The following LMOD3 variants were observed in gnomAD, a reference collection of about 807,000 sequenced individuals.
LMOD3 encodes the protein leiomodin-3.
LMOD3 carries 31 observed loss-of-function variants against 41.8 expected under a neutral mutation model. That is an observed-to-expected ratio of 0.74 (90% CI 0.56 to 1.00). The LOEUF (loss-of-function observed/expected upper bound fraction) is 1.00, where lower values mean the gene tolerates loss of function less well. Ranked by LOEUF, LMOD3 falls within the 50% of genes least tolerant of loss-of-function variation. LMOD3 has a pLI of 0.00. For synonymous variants in LMOD3, 292 were observed against 241.9 expected (o/e 1.21, Z -1.92); for missense variants, 755 against 679.5 (o/e 1.11, Z -1.23).
At position 69,122,555 on chromosome 3, in the gene LMOD3, G is replaced by T; in HGVS notation, c.-169C>A. On this transcript the variant is annotated 5_prime_UTR_variant, in exon 1 of 3. The change creates a new upstream start codon in the 5' untranslated region. Transcript: ENST00000420581. ...AGGAACCTCAGTGGTTTGCTGAGCA[G>T]CTAGGAGTGATCACAGCTAAGCTCT... is the stretch of plus-strand genomic sequence containing the variant. 1 of 588,796 alleles carries T rather than the reference G, an allele frequency of 1.7e-6. No homozygotes were observed. Among genetic ancestry groups the T allele is most frequent in the South Asian group, 2.2e-5 (1 of 45,440 alleles). The allele number at this position is 588,796 out of a possible 1,614,324, so 36.5% of individuals were successfully genotyped here.
At position 69,109,072 on chromosome 3, in the gene LMOD3, C is replaced by T. The variant is rs1440868809; in HGVS notation, c.*23G>A. The stretch of plus-strand genomic sequence containing the variant: ...AGAGTCACTATTTCCATTTCTTGTT[C>T]TTCTAGATGGCTCTGTTGCCTCTTA... On this transcript the variant is annotated 3_prime_UTR_variant, in exon 3 of 3. Transcript: ENST00000420581. 7.6e-6 allele frequency: 12 copies of T among 1,586,552 alleles called. No homozygotes were observed. The South Asian group carries it at 1.1e-4, about 15-fold the overall frequency.
chr3:69,116,584 T>C (rs1297426347), intron 2 of LMOD3, among the ~76,000 whole-genome samples: 9 of 152,194 alleles, frequency 5.9e-5, no homozygotes, highest in Admixed American at 5.9e-4. Flanking sequence ...TTCTTGCAAT[T>C]ATCATCATGA....
Position 69,118,714 on chromosome 3 carries a change from G to C in LMOD3, c.1641C>G (p.Val547=), listed in dbSNP as rs369854516. The C allele has an allele frequency of 1.2e-5, 19 of 1,612,202 alleles. No homozygotes were observed. The African/African-American group carries it at 1.6e-4, about 14-fold the overall frequency. The part of the protein sequence containing the change: ...QLLNDIRHSS[V]AYLKPVQLPK... ...TTCTACTTACAGGTTTAAGATAGGC[G>C]ACACTGCTGTGACGAATGTCGTTTA... Residue 547 remains valine, a synonymous_variant, in exon 2 of 3, where the codon GTC becomes GTG. Coordinates refer to ENST00000420581, the MANE Select transcript of LMOD3 (RefSeq NM_198271.5).
intron 2 of LMOD3, 54 bp downstream of exon 2, chr3:69,118,645 G>T (rs2107525562): frequency 7.2e-6 from 11 of 1,533,888 alleles, no homozygotes; most frequent in Non-Finnish European, 9.7e-6. Flanking sequence ...ATAAAGTTGG[G>T]ATGCATTTAC....
Position 69,109,047 on chromosome 3 carries a change from A to G in LMOD3, c.*48T>C. On this transcript the variant is annotated 3_prime_UTR_variant, in exon 3 of 3. Transcript: ENST00000420581. ...GACATAGTCTCCATGCTGTAATCCA[A>G]GAGTCACTATTTCCATTTCTTGTTC... is the stretch of plus-strand genomic sequence containing the variant. 1 of 1,530,794 alleles carries G rather than the reference A, an allele frequency of 6.5e-7. No individual in the cohort carries two copies. Among genetic ancestry groups the G allele is most frequent in the Non-Finnish European group, 8.9e-7 (1 of 1,121,072 alleles). The allele number at this position is 1,530,794 out of a possible 1,614,324, so 94.8% of individuals were successfully genotyped here. A position where few individuals can be genotyped will look rare whatever the true frequency, so the allele number is the denominator to read the frequency against.
intron 2 of LMOD3, 49 bp downstream of exon 2, chr3:69,118,650 A>G (rs367844773): frequency 1.7e-5 from 26 of 1,548,942 alleles, no homozygotes; most frequent in Non-Finnish European, 2.3e-5. Context: ...GTTGGGATGC[A>G]TTTACTATGG....
In LMOD3 at chr3:69,119,687, A is replaced by T; in HGVS notation, c.668T>A (p.Leu223Gln). The change falls in exon 2 of 3, where the codon CTA becomes CAA. Residue 223 changes from leucine (L) to glutamine (Q), a missense_variant. Leu to Gln is a moderately radical substitution (Grantham distance 113). Coordinates refer to ENST00000420581, the MANE Select transcript of LMOD3 (RefSeq NM_198271.5). The part of the protein sequence containing the change: ...ISKLDPKKLA[L>Q]DTSFLKVSTR... ...ACTTACCTTCAAAAAGCTGGTGTCT[A>T]GAGCTAACTTCTTAGGATCTAATTT... 1 of 1,613,950 alleles carries T rather than the reference A, an allele frequency of 6.2e-7. No homozygotes were observed. Among genetic ancestry groups the T allele is most frequent in the Non-Finnish European group, 8.5e-7 (1 of 1,179,874 alleles).
chr3:69,110,832 C>A (rs1261940382), intron 2 of LMOD3, among the ~76,000 whole-genome samples: 1 of 92,990 alleles, frequency 1.1e-5, no homozygotes, highest in African/African-American at 5.7e-5. Context: ...AACAGAGACA[C>A]CATCTCAAAA....
In LMOD3 at chr3:69,120,009, C is replaced by T. The variant is rs751391243; in HGVS notation, c.346G>A (p.Ala116Thr). Residue 116 changes from alanine to threonine, a missense_variant, in exon 2 of 3, where the codon GCC becomes ACC. Coordinates refer to ENST00000420581, the MANE Select transcript of LMOD3 (RefSeq NM_198271.5). ...TTGAGCTTTTCTTTTAAATACTGGG[C>T]CATATTTTTATTACGTTTTTCTATT... ...EEIEKRNKNM[A>T]QYLKEKLNNE... is the part of the protein sequence containing the mutation. 2 of 1,603,422 alleles carry T rather than the reference C, an allele frequency of 1.2e-6. No homozygotes were observed. Among genetic ancestry groups the T allele is most frequent in the Non-Finnish European group, 1.7e-6 (2 of 1,176,224 alleles).
chr3:69,110,545 A>G (rs1277878122), intron 2 of LMOD3, among the ~76,000 whole-genome samples: 1 of 150,576 alleles, frequency 6.6e-6, no homozygotes, highest in African/African-American at 2.4e-5. Flanking sequence ...ATTTTCTTAA[A>G]AGAGTTTTAT....
At chr3:69,121,587 T>C (rs772117832) in intron 1 of LMOD3, among the ~76,000 whole-genome samples, 5 of 152,216 alleles carry the variant, frequency 3.3e-5, no homozygotes, top group African/African-American at 9.6e-5. Flanking sequence ...ATAGTAATAA[T>C]ATAAGACATT....
In LMOD3 at chr3:69,110,375, G is replaced by A. The variant is rs534389904; in HGVS notation, c.1657-1254C>T. 5.3e-5 allele frequency among the ~76,000 whole-genome samples: 8 copies of A among 151,732 alleles called. No individual in the cohort carries two copies. The South Asian group carries it at 6.3e-4, about 12-fold the overall frequency. ...CTCCCAAGTAGCTGGGACTACAGGTGCATGCCACCACGCCCAGCTAATTTT... is the reference window on the plus strand; with the variant it reads ...CTCCCAAGTAGCTGGGACTACAGGTACATGCCACCACGCCCAGCTAATTTT... On this transcript the variant is annotated intron_variant, in intron 2 of 2. Coordinates refer to ENST00000420581, the MANE Select transcript of LMOD3 (RefSeq NM_198271.5).
At position 69,106,274 on chromosome 3, in the gene LMOD3, C is replaced by A. The variant is rs2092322126; in HGVS notation, c.*2821G>T. Among the ~76,000 whole-genome samples, 1 of 151,962 alleles carries A rather than the reference C, an allele frequency of 6.6e-6. No homozygotes were observed. The highest frequency in any genetic ancestry group is 2.4e-5 in the African/African-American group (1 of 41,362). On this transcript the variant is annotated 3_prime_UTR_variant, in exon 3 of 3. Transcript: ENST00000420581. ...CACGAGTTTTATATACATGTTAGCC[C>A]AGTTTTATATACATGTTAGCCCATT... is the stretch of plus-strand genomic sequence containing the variant.
At chr3:69,111,255 G>A (rs1299016877) in intron 2 of LMOD3, among the ~76,000 whole-genome samples, 2 of 152,184 alleles carry the variant, frequency 1.3e-5, no homozygotes, top group Non-Finnish European at 2.9e-5. Flanking sequence ...CTGCCCACCA[G>A]AGAGGACCTT....
Position 69,120,062 on chromosome 3 carries a change from T to G in LMOD3, c.295-2A>C. On this transcript the variant is annotated splice_acceptor_variant, in intron 1 of 2. Coordinates refer to ENST00000420581, the MANE Select transcript of LMOD3 (RefSeq NM_198271.5). LOFTEE classifies it high-confidence loss of function. ...TTCATGCTCTTCTTGAGTCTTTTCC[T>G]ACAAGAGAGGTTTATGAGGGTTAGA... 6.3e-7 allele frequency: 1 copy of G among 1,591,474 alleles called. No individual in the cohort carries two copies. The highest frequency in any genetic ancestry group is 8.5e-7 in the Non-Finnish European group (1 of 1,173,848).
chr3:69,118,509 G>T (rs529534078), intron 2 of LMOD3, among the ~76,000 whole-genome samples, 190 bp downstream of exon 2: 3 of 152,116 alleles, frequency 2.0e-5, no homozygotes, highest in Non-Finnish European at 1.5e-5. Context: ...GGCGTACCTA[G>T]AGATGGGGTG....
In LMOD3 at chr3:69,115,841, T is replaced by C. The variant is rs1001695460; in HGVS notation, c.1656+2858A>G. Among the ~76,000 whole-genome samples, 9 of 152,302 alleles carry C rather than the reference T, an allele frequency of 5.9e-5. No homozygotes were observed. The East Asian group carries it at 1.7e-3, about 29-fold the overall frequency. The stretch of plus-strand genomic sequence containing the variant: ...CATTTCAACAGCTCTGAAATCAGAA[T>C]CCATCTTAAAATCGATGGTGTTTTA... On this transcript the variant is annotated intron_variant, in intron 2 of 2. Transcript: ENST00000420581.
At chr3:69,117,830 G>A (rs1032442021) in intron 2 of LMOD3, among the ~76,000 whole-genome samples, 1 of 144,160 alleles carries the variant, frequency 6.9e-6, no homozygotes. Context: ...CCCAATTTGG[G>A]TGGTTTTTTT....
chr3:69,118,688 C>T lies in LMOD3; in HGVS notation c.1656+11G>A. 6.2e-7 allele frequency: 1 copy of T among 1,603,556 alleles called. No homozygotes were observed. The highest frequency in any genetic ancestry group is 1.7e-5 in the Admixed American group (1 of 58,646). Reference sequence around the variant, plus strand: ...GGTGCTCAGTCACCATTTCTCCCTCCTTCTACTTACAGGTTTAAGATAGGC... The same window carrying T: ...GGTGCTCAGTCACCATTTCTCCCTCTTTCTACTTACAGGTTTAAGATAGGC... On this transcript the variant is annotated intron_variant, in intron 2 of 2. Transcript: ENST00000420581.
Sources: gnomAD v4.1 joint callset for allele counts (sites outside exome capture counted in the v4.1 genomes callset) on GRCh38, gnomAD v4.1.1 for gene constraint, MANE v1.5 for transcripts, NCBI Gene and HGNC (gene_info 2026-07-23, HGNC 2026-07-21) for gene names.